Variants in BCAM observed in about 807,000 individuals in gnomAD.
BCAM encodes basal cell adhesion molecule.
BCAM carries 61 observed loss-of-function variants against 72.4 expected under a neutral mutation model. That is an observed-to-expected ratio of 0.84 (90% CI 0.69 to 1.04). The LOEUF is 1.04. BCAM is among the 50% of genes least tolerant of loss of function. BCAM has a pLI of 0.00. For missense variants in BCAM, 909 were observed against 895.0 expected, an observed-to-expected ratio of 1.02 and a Z score of -0.20; for synonymous variants, 408 against 384.2, an observed-to-expected ratio of 1.06 and a Z score of -0.73.
At chr19:44,820,888 C>T in intron 14 of BCAM, 28 bp from the exon 15 acceptor site, 4 of 1,557,950 alleles carry the variant, frequency 2.6e-6, no homozygotes, top group Non-Finnish European at 3.5e-6. Flanking sequence ...CCCGTGGGCA[C>T]AGGCTGACCT....
Position 44,818,490 on chromosome 19 carries a change from T to C in BCAM, c.1079-32T>C. 1.3e-6 allele frequency: 2 copies of C among 1,595,414 alleles called. No homozygotes were observed. The highest frequency in any genetic ancestry group is 1.7e-6 in the Non-Finnish European group (2 of 1,165,414). Reference sequence around the variant, plus strand: ...GCCCCTAATTGAGTGGGTGGCGGTCTGGGACGAGTGACAGACTGTCCCCCA... The same window carrying C: ...GCCCCTAATTGAGTGGGTGGCGGTCCGGGACGAGTGACAGACTGTCCCCCA... On this transcript the variant is annotated intron_variant, in intron 8 of 14. Coordinates refer to ENST00000270233, the MANE Select transcript of BCAM (RefSeq NM_005581.5). This position sits in a 1 kb window ranked among gnomAD's most constrained non-coding sequence, Gnocchi z 4.6.
At position 44,812,664 on chromosome 19, in the gene BCAM, G is replaced by C; in HGVS notation, c.504+116G>C. On this transcript the variant is annotated intron_variant, in intron 4 of 14. Coordinates refer to ENST00000270233, the MANE Select transcript of BCAM (RefSeq NM_005581.5). This position sits in a 1 kb window ranked among gnomAD's most constrained non-coding sequence, Gnocchi z 5.3. The stretch of plus-strand genomic sequence containing the variant: ...ACCCCTGGGTAATAAAGGAGGAGGG[G>C]TAAGGCCAGGCGAGGTGGCTCATGC... 8.0e-7 allele frequency: 1 copy of C among 1,248,924 alleles called. No individual in the cohort carries two copies. The allele number at this position is 1,248,924 out of a possible 1,614,324, so 77.4% of individuals were successfully genotyped here.
At position 44,814,736 on chromosome 19, in the gene BCAM, A is replaced by G; in HGVS notation, c.1054A>G (p.Lys352Glu). 1.2e-6 allele frequency: 2 copies of G among 1,613,326 alleles called. No individual in the cohort carries two copies. The highest frequency in any genetic ancestry group is 4.5e-5 in the East Asian group (2 of 44,862). ...CGCGGCAGATGACGTGCAGCTCTCC[A>G]AGACGCTGGAGCTGCGCGTGGCCTG... The part of the protein sequence containing the change: ...YDAADDVQLS[K>E]TLELRVAYLD... Residue 352 changes from lysine (K) to glutamate (E), a missense_variant, in exon 8 of 15, where the codon AAG becomes GAG. By Grantham distance (56) the Lys-to-Glu change is moderately conservative. Coordinates refer to ENST00000270233, the MANE Select transcript of BCAM (RefSeq NM_005581.5). The surrounding 1 kb of genome is among the most constrained non-coding windows in gnomAD (Gnocchi z 4.6).
rs1968458856 is a variant in BCAM, at chr19:44,813,522, A to T, written c.686A>T (p.Asp229Val). ...ACCCTCTACCTGCGGCTCCGCAAGG[A>T]TGACCGAGACGCCAGCTTCCACTGC... ...TSTLYLRLRK[D>V]DRDASFHCAA... Residue 229 changes from aspartate to valine, a missense_variant, in exon 6 of 15, where the codon GAT becomes GTT. Coordinates refer to ENST00000270233, the MANE Select transcript of BCAM (RefSeq NM_005581.5). The surrounding 1 kb of genome is among the most constrained non-coding windows in gnomAD (Gnocchi z 4.2). 1 of 1,612,548 alleles carries T rather than the reference A, an allele frequency of 6.2e-7. No homozygotes were observed. Among genetic ancestry groups the T allele is most frequent in the African/African-American group, 1.3e-5 (1 of 74,892 alleles).
At chr19:44,810,058 C>T (rs1968396989) in intron 1 of BCAM, among the ~76,000 whole-genome samples, 1 of 152,142 alleles carries the variant, frequency 6.6e-6, no homozygotes, top group Admixed American at 6.5e-5. Context: ...AGGCCCCTGG[C>T]ACACTCATGG....
chr19:44,810,195 CT>C (rs1364842996), intron 1 of BCAM, among the ~76,000 whole-genome samples: 2 of 151,962 alleles, frequency 1.3e-5, no homozygotes, highest in Admixed American at 6.6e-5. Context: ...GGTGGTTTTT[CT>C]ACAATAACTA....
chr19:44,819,724 T>A lies in BCAM; in HGVS notation c.1761T>A (p.Ala587=), dbSNP rs770890980. The A allele has an allele frequency of 3.8e-6, 6 of 1,598,914 alleles. No individual in the cohort carries two copies. In the Admixed American group the frequency reaches 1.1e-4, roughly 28 times the overall value. ...PCCRQRREKG[A]PPPGEPGLSH... ...GCCGCCAGCGGCGGGAGAAGGGGGCTCCGTGAGTGGCCTGCTATCTGCAAT... is the reference window on the plus strand; with the variant it reads ...GCCGCCAGCGGCGGGAGAAGGGGGCACCGTGAGTGGCCTGCTATCTGCAAT... The change falls in exon 13 of 15, where the codon GCT becomes GCA. Residue 587 remains alanine, a splice_region_variant and synonymous_variant. Transcript: ENST00000270233.
In BCAM at chr19:44,819,223, C is replaced by T. The variant is rs777411083; in HGVS notation, c.1473+31C>T. On this transcript the variant is annotated intron_variant, in intron 11 of 14. Transcript: ENST00000270233. ...GGACCTTCCTCTCCACCCTGAGCCCCCTCTCACTCATCCAAGTATCACACC... is the reference window on the plus strand; with the variant it reads ...GGACCTTCCTCTCCACCCTGAGCCCTCTCTCACTCATCCAAGTATCACACC... 2.2e-5 allele frequency: 36 copies of T among 1,613,058 alleles called. 1 individual carries two copies. In the South Asian group the frequency reaches 3.3e-4, roughly 15 times the overall value.
At chr19:44,811,433 A>T in intron 2 of BCAM, 87 bp downstream of exon 2, 1 of 1,579,314 alleles carries the variant, frequency 6.3e-7, no homozygotes, top group Non-Finnish European at 8.6e-7. Context: ...AGGCCTGTAG[A>T]GATCCACCAA....
rs1407731193 is a variant in BCAM, at chr19:44,814,226, G to A, written c.859G>A (p.Val287Ile). ...AGGCTGGGTACGCGAGGGTGACACT[G>A]TCCAGCTGCTCTGCCGGGGGGACGG... ...PAGWVREGDT[V>I]QLLCRGDGSP... Residue 287 changes from valine to isoleucine, a missense_variant, in exon 7 of 15, where the codon GTC becomes ATC. Physicochemically the swap from Val to Ile is conservative, Grantham distance 29 (BLOSUM62 3). Transcript: ENST00000270233. The surrounding 1 kb of genome is among the most constrained non-coding windows in gnomAD (Gnocchi z 4.6). 2 of 1,585,942 alleles carry A rather than the reference G, an allele frequency of 1.3e-6. No homozygotes were observed. The highest frequency in any genetic ancestry group is 1.7e-6 in the Non-Finnish European group (2 of 1,172,962).
chr19:44,820,499 A>C (rs528477045), intron 13 of BCAM: 1 of 1,262,676 alleles, frequency 7.9e-7, no homozygotes, highest in East Asian at 3.1e-5. Context: ...TCCAACCCCA[A>C]TAGCATCTGC....
rs1968383919 is a variant in BCAM, at chr19:44,809,161, G to T, written c.37G>T (p.Ala13Ser). Residue 13 changes from alanine to serine, a missense_variant, in exon 1 of 15, where the codon GCC (alanine) becomes TCC (serine). Transcript: ENST00000270233. Reference protein sequence around the residue: ...PPDAPAQARGAPRLLLLAVLL... With the variant: ...PPDAPAQARGSPRLLLLAVLL... ...GGACGCACCGGCCCAGGCGCGCGGG[G>T]CCCCGCGGCTGCTGTTGCTCGCAGT... 1.4e-6 allele frequency: 2 copies of T among 1,474,034 alleles called. No individual in the cohort carries two copies. The highest frequency in any genetic ancestry group is 2.9e-5 in the African/African-American group (2 of 68,402). 91.3% of individuals were successfully genotyped at this position (1,474,034 alleles called of 1,614,324 possible).
Position 44,814,882 on chromosome 19 carries a change from T to G in BCAM, c.1078+122T>G. 3.8e-6 allele frequency: 4 copies of G among 1,040,292 alleles called. No homozygotes were observed. The highest frequency in any genetic ancestry group is 5.0e-6 in the Non-Finnish European group (4 of 793,804). 64.4% of individuals were successfully genotyped at this position (1,040,292 alleles called of 1,614,324 possible). A position where few individuals can be genotyped will look rare whatever the true frequency, so the allele number is the denominator to read the frequency against. ...AACACTCTGCCTTCAACCCTTTCTC[T>G]GCATTTCTTGGGGGTTTTTTTGGTT... is the stretch of plus-strand genomic sequence containing the variant. On this transcript the variant is annotated intron_variant, in intron 8 of 14. Transcript: ENST00000270233. The surrounding 1 kb of genome is among the most constrained non-coding windows in gnomAD (Gnocchi z 4.6).
chr19:44,813,268 C>T lies in BCAM; in HGVS notation c.523C>T (p.Arg175Trp), dbSNP rs773984608. Residue 175 changes from arginine (R) to tryptophan (W), a missense_variant, in exon 5 of 15, where the codon CGG becomes TGG. Arg to Trp is a moderately radical substitution (Grantham distance 101, BLOSUM62 -3). Coordinates refer to ENST00000270233, the MANE Select transcript of BCAM (RefSeq NM_005581.5). This position sits in a 1 kb window ranked among gnomAD's most constrained non-coding sequence, Gnocchi z 4.2. Reference sequence around the variant, plus strand: ...GCCTCAGATCGCCACCTGCAACAGCCGGAACGGGAACCCGGCCCCCAAGAT... The same window carrying T: ...GCCTCAGATCGCCACCTGCAACAGCTGGAACGGGAACCCGGCCCCCAAGAT... The part of the protein sequence containing the change: ...SAQEIATCNS[R>W]NGNPAPKITW... 9 of 1,614,114 alleles carry T rather than the reference C, an allele frequency of 5.6e-6. No individual in the cohort carries two copies. Among genetic ancestry groups the T allele is most frequent in the East Asian group, 2.2e-5 (1 of 44,890 alleles).
chr19:44,812,234 G>A lies in BCAM; in HGVS notation c.276G>A (p.Met92Ile), dbSNP rs777426246. ...AGGGCTCTGAGCTCCAGGTCACAATGCACGACACCCGGGGCCGCAGTCCCC... is the reference window on the plus strand; with the variant it reads ...AGGGCTCTGAGCTCCAGGTCACAATACACGACACCCGGGGCCGCAGTCCCC... ...EMQGSELQVTMHDTRGRSPPY... is the reference protein window; with the variant it reads ...EMQGSELQVTIHDTRGRSPPY... Residue 92 changes from methionine (M) to isoleucine (I), a missense_variant, in exon 3 of 15, where the codon ATG becomes ATA. Met to Ile is a conservative substitution (Grantham distance 10, BLOSUM62 1). Coordinates refer to ENST00000270233, the MANE Select transcript of BCAM (RefSeq NM_005581.5). This position sits in a 1 kb window ranked among gnomAD's most constrained non-coding sequence, Gnocchi z 5.3. 3 of 1,608,234 alleles carry A rather than the reference G, an allele frequency of 1.9e-6. No homozygotes were observed. The highest frequency in any genetic ancestry group is 2.5e-6 in the Non-Finnish European group (3 of 1,177,918).
At position 44,820,736 on chromosome 19, in the gene BCAM, G is replaced by T; in HGVS notation, c.1795G>T (p.Gly599Trp). 2 of 1,455,864 alleles carry T rather than the reference G, an allele frequency of 1.4e-6. No individual in the cohort carries two copies. Among genetic ancestry groups the T allele is most frequent in the Non-Finnish European group, 1.8e-6 (2 of 1,097,260 alleles). 90.2% of individuals were successfully genotyped at this position (1,455,864 alleles called of 1,614,324 possible). The change falls in exon 14 of 15, where the codon GGG becomes TGG. Residue 599 changes from glycine (G) to tryptophan (W), a missense_variant. Coordinates refer to ENST00000270233, the MANE Select transcript of BCAM (RefSeq NM_005581.5). ...PPGEPGLSHSGSEQPEQTGLL... is the reference protein window; with the variant it reads ...PPGEPGLSHSWSEQPEQTGLL... ...AGGGGAGCCAGGGCTGAGCCACTCG[G>T]GGTCGGAGCAACCAGAGCAGACCGG...
Position 44,818,657 on chromosome 19 carries a change from C to T in BCAM, c.1194+20C>T. On this transcript the variant is annotated intron_variant, in intron 9 of 14. Coordinates refer to ENST00000270233, the MANE Select transcript of BCAM (RefSeq NM_005581.5). The surrounding 1 kb of genome is among the most constrained non-coding windows in gnomAD (Gnocchi z 4.6). ...ACCAAGGTGAGAGGGAGAGGAGCCCCCTCGGGCCCTGCACTCGCACCCTCC... is the reference window on the plus strand; with the variant it reads ...ACCAAGGTGAGAGGGAGAGGAGCCCTCTCGGGCCCTGCACTCGCACCCTCC... 4 of 1,612,436 alleles carry T rather than the reference C, an allele frequency of 2.5e-6. No individual in the cohort carries two copies. The highest frequency in any genetic ancestry group is 2.2e-5 in the East Asian group (1 of 44,814).
Position 44,814,858 on chromosome 19 carries a change from A to G in BCAM, c.1078+98A>G, listed in dbSNP as rs1273123954. 8 of 1,297,014 alleles carry G rather than the reference A, an allele frequency of 6.2e-6. No homozygotes were observed. The highest frequency in any genetic ancestry group is 2.9e-4 in the Middle Eastern group (1 of 3,438). 80.3% of individuals were successfully genotyped at this position (1,297,014 alleles called of 1,614,324 possible). ...CCCTGAAGTTGCTCTGTCATCCCAA[A>G]CACTCTGCCTTCAACCCTTTCTCTG... is the stretch of plus-strand genomic sequence containing the variant. On this transcript the variant is annotated intron_variant, in intron 8 of 14. Coordinates refer to ENST00000270233, the MANE Select transcript of BCAM (RefSeq NM_005581.5). The surrounding 1 kb of genome is among the most constrained non-coding windows in gnomAD (Gnocchi z 4.6).
Position 44,814,111 on chromosome 19 carries a change from T to C in BCAM, c.785-41T>C. On this transcript the variant is annotated intron_variant, in intron 6 of 14. Coordinates refer to ENST00000270233, the MANE Select transcript of BCAM (RefSeq NM_005581.5). This position sits in a 1 kb window ranked among gnomAD's most constrained non-coding sequence, Gnocchi z 4.6. Reference sequence around the variant, plus strand: ...CTCGCCTGTCCTCTAGCCTTGACCCTTCCCCTGATCACAATTCCCATCTCC... The same window carrying C: ...CTCGCCTGTCCTCTAGCCTTGACCCCTCCCCTGATCACAATTCCCATCTCC... The C allele has an allele frequency of 6.5e-7, 1 of 1,549,050 alleles. No homozygotes were observed. Among genetic ancestry groups the C allele is most frequent in the Non-Finnish European group, 8.7e-7 (1 of 1,155,250 alleles).
Sources: allele counts gnomAD v4.1 joint callset (sites outside exome capture counted in the v4.1 genomes callset), GRCh38; gene constraint gnomAD v4.1.1; non-coding constraint Gnocchi (gnomAD v3.1); transcripts MANE v1.5; gene names NCBI Gene and HGNC (gene_info 2026-07-23, HGNC 2026-07-21).